CWC27: variants seen among roughly 807,000 people sequenced by gnomAD.
The protein encoded by CWC27 is spliceosome-associated protein CWC27 homolog.
CWC27 carries 47 observed loss-of-function variants against 63.6 expected under a neutral mutation model. The observed-to-expected ratio is 0.74, with a 90% confidence interval of 0.58 to 0.94. The LOEUF is 0.94. CWC27 is among the 40% of genes least tolerant of loss of function. CWC27 has a pLI of 0.00. For missense variants in CWC27, 495 were observed against 554.3 expected (o/e 0.89, Z 1.07); for synonymous variants, 175 against 179.8 (o/e 0.97, Z 0.22).
chr5:64,930,433 T>TA (rs1054298253), intron 11 of CWC27, among the ~76,000 whole-genome samples: 1 of 151,776 alleles, frequency 6.6e-6, no homozygotes, highest in African/African-American at 2.4e-5. Context: ...TTGAAACCAA[T>TA]AAAAAAAATT....
chr5:64,941,726 A>C (rs1041431038), intron 11 of CWC27, among the ~76,000 whole-genome samples: 7 of 152,082 alleles, frequency 4.6e-5, no homozygotes, highest in Non-Finnish European at 7.4e-5. Context: ...AAATTGCTAA[A>C]TGTAAAATCT....
At chr5:65,005,029 T>G (rs1021695109) in intron 13 of CWC27, among the ~76,000 whole-genome samples, 1 of 151,612 alleles carries the variant, frequency 6.6e-6, no homozygotes, top group Middle Eastern at 3.4e-3. Flanking sequence ...TTCAGTGTTG[T>G]CTGTTGAGTT....
At chr5:64,795,166 G>C (rs534526155) in intron 7 of CWC27, among the ~76,000 whole-genome samples, 1 of 152,216 alleles carries the variant, frequency 6.6e-6, no homozygotes, top group Admixed American at 6.5e-5. Context: ...CAAAAAAGTT[G>C]GGAGGCGGCC....
chr5:64,978,906 A>T (rs963511727), intron 13 of CWC27, among the ~76,000 whole-genome samples: 13 of 152,162 alleles, frequency 8.5e-5, no homozygotes, highest in African/African-American at 3.1e-4. Flanking sequence ...TTCAAACCCC[A>T]GAAGTTTTAT....
At chr5:64,882,773 T>G (rs1746974066) in intron 10 of CWC27, among the ~76,000 whole-genome samples, 1 of 152,150 alleles carries the variant, frequency 6.6e-6, no homozygotes, top group Non-Finnish European at 1.5e-5. Context: ...TTTTGTATTT[T>G]TTTTAGTAGA....
chr5:64,946,504 C>T (rs528016953), intron 11 of CWC27, among the ~76,000 whole-genome samples: 1 of 152,204 alleles, frequency 6.6e-6, no homozygotes, highest in Admixed American at 6.6e-5. Flanking sequence ...ATTCACAAAA[C>T]TTGGAGAATA....
intron 2 of CWC27, among the ~76,000 whole-genome samples, chr5:64,776,089 G>C (rs967527795): frequency 1.4e-5 from 2 of 138,322 alleles, no homozygotes; most frequent in African/African-American, 3.0e-5. Flanking sequence ...GAGAGAGAGA[G>C]AGAGAGAGAG....
At chr5:64,997,188 G>A (rs1199050135) in intron 13 of CWC27, among the ~76,000 whole-genome samples, 1 of 152,102 alleles carries the variant, frequency 6.6e-6, no homozygotes. Context: ...ATAAATAGTA[G>A]AGTGGTTATG....
intron 10 of CWC27, among the ~76,000 whole-genome samples, chr5:64,827,910 A>G (rs1402991050): frequency 6.6e-6 from 1 of 152,166 alleles, no homozygotes; most frequent in Non-Finnish European, 1.5e-5. Context: ...TGTGCTGCCC[A>G]AGATAAGAAT....
At chr5:64,902,537 C>T (rs1747532371) in intron 11 of CWC27, among the ~76,000 whole-genome samples, 1 of 152,156 alleles carries the variant, frequency 6.6e-6, no homozygotes, top group South Asian at 2.1e-4. Flanking sequence ...CCCATATATA[C>T]ATGGGTTTAT....
intron 11 of CWC27, among the ~76,000 whole-genome samples, chr5:64,963,259 G>A (rs1375678321): frequency 2.0e-5 from 3 of 151,968 alleles, no homozygotes; most frequent in Non-Finnish European, 4.4e-5. Context: ...ACCATGCCTG[G>A]CCAGTAAAGA....
intron 13 of CWC27, among the ~76,000 whole-genome samples, chr5:64,990,718 T>A (rs1442389150): frequency 1.3e-5 from 2 of 152,240 alleles, no homozygotes; most frequent in Non-Finnish European, 2.9e-5. Context: ...CCCTACTTTA[T>A]CAATTAATAA....
At chr5:64,867,383 G>A (rs1746554700) in intron 10 of CWC27, among the ~76,000 whole-genome samples, 1 of 152,070 alleles carries the variant, frequency 6.6e-6, no homozygotes, top group Non-Finnish European at 1.5e-5. Context: ...ATATTACAGT[G>A]TGAATTTTTA....
At chr5:65,002,942 T>C (rs1306789342) in intron 13 of CWC27, among the ~76,000 whole-genome samples, 1 of 152,220 alleles carries the variant, frequency 6.6e-6, no homozygotes, top group East Asian at 1.9e-4. Flanking sequence ...GATCTAATAA[T>C]ACTTGCTTTA....
chr5:64,831,520 A>G (rs1372532838), intron 10 of CWC27, among the ~76,000 whole-genome samples: 1 of 151,936 alleles, frequency 6.6e-6, no homozygotes, highest in Admixed American at 6.6e-5. Flanking sequence ...ATAGACAGAC[A>G]CATAGATAGA....
At chr5:64,857,859 C>T (rs1224545500) in intron 10 of CWC27, among the ~76,000 whole-genome samples, 14 of 152,110 alleles carry the variant, frequency 9.2e-5, no homozygotes, top group South Asian at 2.1e-4. Context: ...GAATAGGGGC[C>T]GGGCGCGGTG....
intron 11 of CWC27, among the ~76,000 whole-genome samples, chr5:64,943,694 A>G (rs1561165620): frequency 6.6e-6 from 1 of 152,202 alleles, no homozygotes; most frequent in Non-Finnish European, 1.5e-5. Context: ...TTCCTAGCAC[A>G]TCGTAGATTT....
chr5:64,784,984 TAGTTAGA>T (rs1378603913), intron 4 of CWC27, among the ~76,000 whole-genome samples: 2 of 152,240 alleles, frequency 1.3e-5, no homozygotes, highest in African/African-American at 2.4e-5. Flanking sequence ...ATGTGTAGCA[TAGTTAGA>T]AGTTAGAAAG....
chr5:64,991,898 T>C (rs1005636334), intron 13 of CWC27, among the ~76,000 whole-genome samples: 1 of 152,284 alleles, frequency 6.6e-6, no homozygotes, highest in South Asian at 2.1e-4. Context: ...TTAAAACCAC[T>C]TGTTAAGGGT....
Sources: allele counts gnomAD v4.1 joint callset (sites outside exome capture counted in the v4.1 genomes callset), GRCh38; gene constraint gnomAD v4.1.1; transcripts MANE v1.5; gene names NCBI Gene and HGNC (gene_info 2026-07-23, HGNC 2026-07-21).